SNX13: variants seen among roughly 807,000 people sequenced by gnomAD.
The protein encoded by SNX13 is sorting nexin-13.
Under a neutral mutation model 133.6 loss-of-function variants are expected in SNX13, and 45 were observed. The ratio of observed to expected loss-of-function variants is 0.34; its 90% CI spans 0.27 to 0.43. The LOEUF (loss-of-function observed/expected upper bound fraction) is 0.43. Ranked by LOEUF, SNX13 falls within the 20% of genes least tolerant of loss-of-function variation. SNX13 has a pLI of 1.00. For missense variants in SNX13, 1,032 were observed against 1,145.1 expected (o/e 0.90, Z 1.43); for synonymous variants, 414 against 373.9 (o/e 1.11, Z -1.24).
intron 16 of SNX13, among the ~76,000 whole-genome samples, chr7:17,826,327 G>T (rs1787912219): frequency 6.6e-6 from 1 of 151,804 alleles, no homozygotes; most frequent in Non-Finnish European, 1.5e-5. Context: ...TAATATATTA[G>T]ATTATTTCTC....
intron 18 of SNX13, among the ~76,000 whole-genome samples, chr7:17,817,733 C>T (rs1273638409): frequency 6.6e-6 from 1 of 151,970 alleles, no homozygotes; most frequent in Non-Finnish European, 1.5e-5. Flanking sequence ...CCTCACTGAA[C>T]ATCACATGTG....
At chr7:17,940,243 C>A (rs1329830777) in intron 1 of SNX13, 41 bp downstream of exon 1, 1 of 1,553,532 alleles carries the variant, frequency 6.4e-7, no homozygotes, top group Non-Finnish European at 8.7e-7. Flanking sequence ...CCGGCCCCTT[C>A]CCCATTTCAC....
At chr7:17,896,105 T>C (rs1797176030) in intron 2 of SNX13, among the ~76,000 whole-genome samples, 1 of 152,192 alleles carries the variant, frequency 6.6e-6, no homozygotes, top group African/African-American at 2.4e-5. Flanking sequence ...TAACTGTGAC[T>C]GAGAAGTATA....
At chr7:17,917,301 A>C (rs1799667287) in intron 1 of SNX13, among the ~76,000 whole-genome samples, 2 of 152,166 alleles carry the variant, frequency 1.3e-5, no homozygotes, top group African/African-American at 4.8e-5. Context: ...ATAGTACCAG[A>C]AGTCTTAGAG....
intron 25 of SNX13, chr7:17,796,296 A>G (rs1212115740): frequency 6.6e-6 from 1 of 152,200 alleles, no homozygotes; most frequent in Admixed American, 6.6e-5. Flanking sequence ...TTGGGATTGT[A>G]TTTTAAGTAA....
rs749499633 is a variant in SNX13, at chr7:17,890,351, T to C, written c.440+12A>G. ...TAAATTTTTCTGCATAAATACAATG[T>C]CGTGTCCTTACCTAGTAGCAAACTG... is the stretch of plus-strand genomic sequence containing the variant. On this transcript the variant is annotated intron_variant, in intron 5 of 25. Transcript: ENST00000428135. 30 of 1,606,686 alleles carry C rather than the reference T, an allele frequency of 1.9e-5. No individual in the cohort carries two copies. The East Asian group carries it at 2.7e-4, about 14-fold the overall frequency.
chr7:17,933,340 G>A (rs1285858633), intron 1 of SNX13, among the ~76,000 whole-genome samples: 1 of 152,104 alleles, frequency 6.6e-6, no homozygotes, highest in African/African-American at 2.4e-5. Flanking sequence ...TCAGGAGATG[G>A]AGACCATCGT....
chr7:17,899,377 TTATC>T (rs1797564847), intron 1 of SNX13: 1 of 152,148 alleles, frequency 6.6e-6, no homozygotes, highest in Non-Finnish European at 1.5e-5. Context: ...CTCTCTGTTA[TTATC>T]TATCTGAATA....
chr7:17,866,929 C>T (rs1452899063), intron 9 of SNX13, among the ~76,000 whole-genome samples: 3 of 152,122 alleles, frequency 2.0e-5, no homozygotes, highest in Admixed American at 6.5e-5. Context: ...CTGATTTGAA[C>T]ATTATACATT....
chr7:17,797,891 A>G (rs1345331492), intron 24 of SNX13, among the ~76,000 whole-genome samples: 2 of 151,868 alleles, frequency 1.3e-5, no homozygotes, highest in African/African-American at 4.8e-5. Context: ...CTGAGAGCCT[A>G]TTCAACTTCT....
chr7:17,933,655 T>C (rs1026660824), intron 1 of SNX13, among the ~76,000 whole-genome samples: 1 of 152,044 alleles, frequency 6.6e-6, no homozygotes, highest in Admixed American at 6.5e-5. Flanking sequence ...GTCTATTCCC[T>C]GTCTCCCCTG....
chr7:17,940,140 T>G, intron 1 of SNX13, 144 bp downstream of exon 1: 1 of 1,094,050 alleles, frequency 9.1e-7, no homozygotes, highest in Non-Finnish European at 1.3e-6. Flanking sequence ...CTGAGGGCAC[T>G]TGTAGGATCC....
At chr7:17,832,943 C>T (rs1788681538) in intron 15 of SNX13, among the ~76,000 whole-genome samples, 1 of 151,352 alleles carries the variant, frequency 6.6e-6, no homozygotes, top group Non-Finnish European at 1.5e-5. Flanking sequence ...GGCTGGGAGA[C>T]TTCCATAATA....
In SNX13 at chr7:17,889,640, A is replaced by G. The variant is rs534419693; in HGVS notation, c.440+723T>C. 3.3e-5 allele frequency: 5 copies of G among 152,230 alleles called. No homozygotes were observed. In the South Asian group the frequency reaches 6.2e-4, roughly 19 times the overall value. The allele number at this position is 152,230 out of a possible 1,614,324, so 9.4% of individuals were successfully genotyped here. A position where few individuals can be genotyped will look rare whatever the true frequency, so the allele number is the denominator to read the frequency against. ...AAGTTAGACATCAAGGATGGAGGGG[A>G]AAAAAAGCCTTCAAAAATAAAAATG... On this transcript the variant is annotated intron_variant, in intron 5 of 25. Transcript: ENST00000428135.
chr7:17,866,667 T>C (rs963051348), intron 9 of SNX13, among the ~76,000 whole-genome samples: 7 of 152,076 alleles, frequency 4.6e-5, no homozygotes, highest in Admixed American at 1.3e-4. Flanking sequence ...AAACAAAGAC[T>C]GAACTCATGG....
At chr7:17,924,754 G>A (rs1338537799) in intron 1 of SNX13, among the ~76,000 whole-genome samples, 3 of 152,118 alleles carry the variant, frequency 2.0e-5, no homozygotes, top group Non-Finnish European at 2.9e-5. Context: ...TAAGCAAAAT[G>A]TAGTATATCC....
At chr7:17,848,846 G>C (rs950432775) in intron 11 of SNX13, among the ~76,000 whole-genome samples, 1 of 152,206 alleles carries the variant, frequency 6.6e-6, no homozygotes, top group African/African-American at 2.4e-5. Flanking sequence ...CAAGTCCTGC[G>C]AAGGGGTCAG....
Position 17,826,052 on chromosome 7 carries a change from C to A in SNX13, c.1675G>T (p.Val559Leu). Residue 559 changes from valine to leucine, a missense_variant, in exon 17 of 26, where the codon GTA (valine) becomes TTA (leucine). By Grantham distance (32) the Val-to-Leu change is conservative. Coordinates refer to ENST00000428135, the MANE Select transcript of SNX13 (RefSeq NM_015132.5). ...TCTGAAATGTAGGCATGAAGTTGTA[C>A]TGAGTCATCAGAAGAAACATTTGAA... ...DLSNVSSDDSVQLHAYISDTG... is the reference protein window; with the variant it reads ...DLSNVSSDDSLQLHAYISDTG... 1 of 1,558,086 alleles carries A rather than the reference C, an allele frequency of 6.4e-7. No homozygotes were observed. The highest frequency in any genetic ancestry group is 8.7e-7 in the Non-Finnish European group (1 of 1,149,748).
At chr7:17,911,986 A>G (rs936954360) in intron 1 of SNX13, among the ~76,000 whole-genome samples, 1 of 152,242 alleles carries the variant, frequency 6.6e-6, no homozygotes, top group Non-Finnish European at 1.5e-5. Flanking sequence ...ATTTGCAATC[A>G]GAGTCAATCC....
Sources: allele counts gnomAD v4.1 joint callset (sites outside exome capture counted in the v4.1 genomes callset), GRCh38; gene constraint gnomAD v4.1.1; transcripts MANE v1.5; gene names NCBI Gene and HGNC (gene_info 2026-07-23, HGNC 2026-07-21).